The following PKNOX2 variants were observed in gnomAD, a reference collection of about 807,000 sequenced individuals.
PKNOX2 encodes the protein PBX/knotted 1 homeobox 2.
PKNOX2 carries 14 observed loss-of-function variants against 53.1 expected under a neutral mutation model. The ratio of observed to expected loss-of-function variants is 0.26; its 90% CI spans 0.17 to 0.41. The LOEUF (loss-of-function observed/expected upper bound fraction) is 0.41, where lower values mean the gene tolerates loss of function less well. Among genes scored for constraint, PKNOX2 ranks in the 10% least tolerant of loss-of-function variants. The probability of loss-of-function intolerance (pLI) is 1.00; values close to 1 mark genes in which losing one functional copy is unlikely to be tolerated. For synonymous variants in PKNOX2, 257 were observed against 242.8 expected, an observed-to-expected ratio of 1.06 and a Z score of -0.54; for missense variants, 496 against 602.8, an observed-to-expected ratio of 0.82 and a Z score of 1.85.
At chr11:125,219,161 T>C (rs1326403082) in intron 1 of PKNOX2, among the ~76,000 whole-genome samples, 1 of 152,096 alleles carries the variant, frequency 6.6e-6, no homozygotes, top group Non-Finnish European at 1.5e-5. Context: ...AGCCCAGGCA[T>C]GGTGGCTCTC....
At chr11:125,230,500 C>T (rs1244010009) in intron 1 of PKNOX2, among the ~76,000 whole-genome samples, 1 of 152,152 alleles carries the variant, frequency 6.6e-6, no homozygotes, top group East Asian at 1.9e-4. Flanking sequence ...TGGCCCATCT[C>T]AATCAGATTT....
In PKNOX2 at chr11:125,166,882, A is replaced by G. The variant is rs1954918594; in HGVS notation, c.-201+2106A>G. ...AAATGCTCTATAACCGGTGGCAGCC[A>G]AAAGCTTCGCATTTTAGGCAGTTTA... is the stretch of plus-strand genomic sequence containing the variant. On this transcript the variant is annotated intron_variant, in intron 1 of 12. Coordinates refer to ENST00000298282, the MANE Select transcript of PKNOX2 (RefSeq NM_001382323.2). The surrounding 1 kb of genome is among the most constrained non-coding windows in gnomAD (Gnocchi z 4.0). Among the ~76,000 whole-genome samples, 1 of 152,134 alleles carries G rather than the reference A, an allele frequency of 6.6e-6. No homozygotes were observed. Among genetic ancestry groups the G allele is most frequent in the African/African-American group, 2.4e-5 (1 of 41,426 alleles).
chr11:125,364,029 G>A (rs1952058259), intron 4 of PKNOX2, among the ~76,000 whole-genome samples: 1 of 152,152 alleles, frequency 6.6e-6, no homozygotes, highest in South Asian at 2.1e-4. Flanking sequence ...TCAGCCCACT[G>A]CTTAATAGCC....
intron 3 of PKNOX2, among the ~76,000 whole-genome samples, chr11:125,350,734 G>A (rs77060431): frequency 0.018 from 2,671 of 152,270 alleles, 91 homozygotes; most frequent in African/African-American, 0.06. Flanking sequence ...GCCGTCCTCC[G>A]TCTCACAGTC....
rs933663550 is a variant in PKNOX2 at position 125,422,356 on chromosome 11, G to T, written c.937-6656G>T. ...GGTTCTTGGTTACATTTCTCTCTTT[G>T]TCCCAGAGAAATCTTAGACCTCAGA... On this transcript the variant is annotated intron_variant, in intron 10 of 12. Coordinates refer to ENST00000298282, the MANE Select transcript of PKNOX2 (RefSeq NM_001382323.2). The surrounding 1 kb of genome is among the most constrained non-coding windows in gnomAD (Gnocchi z 4.1). Among the ~76,000 whole-genome samples, 1 of 152,124 alleles carries T rather than the reference G, an allele frequency of 6.6e-6. No individual in the cohort carries two copies. Among genetic ancestry groups the T allele is most frequent in the Non-Finnish European group, 1.5e-5 (1 of 68,026 alleles).
At chr11:125,424,335 C>T (rs1385835033) in intron 10 of PKNOX2, among the ~76,000 whole-genome samples, 1 of 152,120 alleles carries the variant, frequency 6.6e-6, no homozygotes, top group African/African-American at 2.4e-5. Context: ...TTGTGCTTCT[C>T]TTTATTCTAA....
chr11:125,260,998 C>A (rs1565482109), intron 2 of PKNOX2, among the ~76,000 whole-genome samples: 1 of 152,050 alleles, frequency 6.6e-6, no homozygotes, highest in Admixed American at 6.6e-5. Flanking sequence ...CCCTTTTTCC[C>A]CATCTATAAA....
chr11:125,246,430 A>G (rs1379287692), intron 2 of PKNOX2, among the ~76,000 whole-genome samples: 1 of 152,190 alleles, frequency 6.6e-6, no homozygotes, highest in Non-Finnish European at 1.5e-5. Context: ...AAATTTCAAC[A>G]TGAGTTTTGG....
chr11:125,185,278 G>T (rs1415784516), intron 1 of PKNOX2, among the ~76,000 whole-genome samples: 1 of 152,052 alleles, frequency 6.6e-6, no homozygotes, highest in Non-Finnish European at 1.5e-5. Context: ...CATTTGTTTG[G>T]TTGGGCTCTC....
At chr11:125,212,923 C>A (rs563346894) in intron 1 of PKNOX2, among the ~76,000 whole-genome samples, 90 of 152,152 alleles carry the variant, frequency 5.9e-4, no homozygotes, top group African/African-American at 1.9e-3. Context: ...CAACGGGTTC[C>A]ATGTCTACCC....
chr11:125,334,872 G>A (rs372006983), intron 3 of PKNOX2, among the ~76,000 whole-genome samples: 1 of 152,026 alleles, frequency 6.6e-6, no homozygotes, highest in African/African-American at 2.4e-5. Context: ...CCAAAGTGCT[G>A]TGATTACAGG....
At chr11:125,333,166 T>C (rs1950233130) in intron 3 of PKNOX2, among the ~76,000 whole-genome samples, 1 of 152,106 alleles carries the variant, frequency 6.6e-6, no homozygotes, top group Non-Finnish European at 1.5e-5. Flanking sequence ...TTGAAGAAGA[T>C]GGGAAGAAGG....
At chr11:125,369,822 G>A (rs753970676) in intron 5 of PKNOX2, among the ~76,000 whole-genome samples, 5 of 152,146 alleles carry the variant, frequency 3.3e-5, no homozygotes, top group Non-Finnish European at 5.9e-5. Context: ...GAGTAGCGTG[G>A]CCTCTGAAAA....
chr11:125,374,356 G>C (rs1255927977), intron 5 of PKNOX2, among the ~76,000 whole-genome samples: 1 of 152,126 alleles, frequency 6.6e-6, no homozygotes, highest in African/African-American at 2.4e-5. Flanking sequence ...GGGCTTTGTG[G>C]GATGGGGGTT....
At chr11:125,310,500 AAAAAATAAT>A (rs1948737583) in intron 2 of PKNOX2, among the ~76,000 whole-genome samples, 1 of 151,656 alleles carries the variant, frequency 6.6e-6, no homozygotes, top group African/African-American at 2.4e-5. Context: ...GTCTCAAAAA[AAAAAATAAT>A]AAAAATAATA....
intron 4 of PKNOX2, among the ~76,000 whole-genome samples, 188 bp downstream of exon 4, chr11:125,351,580 C>T (rs989641618): frequency 6.6e-6 from 1 of 152,118 alleles, no homozygotes; most frequent in African/African-American, 2.4e-5. Flanking sequence ...ACACAGACCC[C>T]GAGGGCAGTC....
intron 1 of PKNOX2, among the ~76,000 whole-genome samples, chr11:125,207,097 C>T (rs1424901081): frequency 1.3e-5 from 2 of 151,668 alleles, no homozygotes; most frequent in East Asian, 1.9e-4. Context: ...AGGGAGACTT[C>T]CAAGTTTTGA....
intron 3 of PKNOX2, among the ~76,000 whole-genome samples, chr11:125,333,158 G>A (rs532754586): frequency 6.8e-4 from 104 of 152,298 alleles, no homozygotes; most frequent in Non-Finnish European, 1.3e-3. Flanking sequence ...GGCAGGGATT[G>A]AAGAAGATGG....
At chr11:125,411,509 TC>T (rs1410958388) in intron 9 of PKNOX2, 9 of 316,708 alleles carry the variant, frequency 2.8e-5, no homozygotes, top group East Asian at 1.8e-4. Context: ...TCTCTCTCTC[TC>T]CCCCCCTTCC....
Sources: gnomAD v4.1 joint callset for allele counts (sites outside exome capture counted in the v4.1 genomes callset) on GRCh38, gnomAD v4.1.1 for gene constraint, Gnocchi (gnomAD v3.1) non-coding constraint, MANE v1.5 for transcripts, NCBI Gene and HGNC (gene_info 2026-07-23, HGNC 2026-07-21) for gene names.